Variants in ZNF454 observed in about 807,000 individuals in gnomAD.
The protein encoded by ZNF454 is zinc finger protein 454.
A neutral mutation model predicts 48.2 loss-of-function variants in ZNF454; 30 were observed. That is an observed-to-expected ratio of 0.62 (90% CI 0.47 to 0.84). ZNF454 has a LOEUF of 0.84. Among genes scored for constraint, ZNF454 ranks in the 40% least tolerant of loss-of-function variants. The pLI is 0.00. For synonymous variants in ZNF454, 204 were observed against 211.4 expected, an observed-to-expected ratio of 0.97 and a Z score of 0.30; for missense variants, 510 against 623.1, an observed-to-expected ratio of 0.82 and a Z score of 1.93.
chr5:178,969,313 A>G (rs570499218), downstream of ZNF454: 13 of 382,100 alleles, frequency 3.4e-5, no homozygotes, highest in South Asian at 2.5e-4. Flanking sequence ...TTTTTCAGCC[A>G]CAGTCTTCTC....
At chr5:178,952,514 G>A (rs563581279) in intron 4 of ZNF454, among the ~76,000 whole-genome samples, 24 of 152,160 alleles carry the variant, frequency 1.6e-4, no homozygotes, top group Non-Finnish European at 2.8e-4. Flanking sequence ...CCAGTCTATA[G>A]CCTACCGTGT....
the ZNF454 span, chr5:178,987,323 A>G: frequency 2.0e-6 from 1 of 499,764 alleles, no homozygotes; most frequent in African/African-American, 1.9e-5. Flanking sequence ...GATACTCGAG[A>G]GACTAGAAAG....
Position 178,946,397 on chromosome 5 carries a change from C to T in ZNF454, c.72C>T (p.Thr24=). The T allele has an allele frequency of 6.2e-7, 1 of 1,612,958 alleles. No homozygotes were observed. The highest frequency in any genetic ancestry group is 1.1e-5 in the South Asian group (1 of 90,936). Residue 24 remains threonine (T), a synonymous_variant, in exon 3 of 5, where the codon ACC becomes ACT. Transcript: ENST00000519564. The surrounding 1 kb of genome is among the most constrained non-coding windows in gnomAD (Gnocchi z 4.5). ...VTFKDVAILF[T]QEEWGQLSPA... is the part of the protein sequence containing the mutation. ...TCAAGGATGTGGCTATACTGTTCAC[C>T]CAGGAAGAGTGGGGGCAGCTGAGCC...
At chr5:178,964,372 G>T (rs571892186) in intron 4 of ZNF454, among the ~76,000 whole-genome samples, 1 of 152,186 alleles carries the variant, frequency 6.6e-6, no homozygotes, top group East Asian at 1.9e-4. Context: ...CACCCGCCTT[G>T]GCCTCCCAAA....
the ZNF454 span, among the ~76,000 whole-genome samples, chr5:178,973,733 C>G: frequency 6.6e-6 from 1 of 151,600 alleles, no homozygotes; most frequent in African/African-American, 2.4e-5. Context: ...GTCCCAGCTA[C>G]TCGGGAGGCT....
chr5:178,981,463 A>G, the ZNF454 span: 2 of 584,932 alleles, frequency 3.4e-6, no homozygotes, highest in Middle Eastern at 4.5e-4. This position sits in a 1 kb window ranked among gnomAD's most constrained non-coding sequence, Gnocchi z 5.1. Flanking sequence ...AGGAAGCATG[A>G]AGCTCACATG....
chr5:178,988,535 C>T, the ZNF454 span, among the ~76,000 whole-genome samples: 37 of 152,314 alleles, frequency 2.4e-4, no homozygotes, highest in African/African-American at 7.9e-4. This position sits in a 1 kb window ranked among gnomAD's most constrained non-coding sequence, Gnocchi z 6.0. Flanking sequence ...CTGTGCCTGG[C>T]GCATGACTCA....
the ZNF454 span, chr5:178,985,715 C>CAAA: frequency 1.3e-5 from 5 of 383,942 alleles, no homozygotes; most frequent in East Asian, 1.5e-4. Flanking sequence ...AAAAAAAAAA[C>CAAA]AAAACAACAC....
intron 4 of ZNF454, among the ~76,000 whole-genome samples, chr5:178,949,555 C>T (rs941953731): frequency 6.6e-6 from 1 of 152,120 alleles, no homozygotes; most frequent in Admixed American, 6.5e-5. Flanking sequence ...TCATTCTCAA[C>T]ATATTTGTTG....
chr5:178,945,357 T>TTG (rs913204360), intron 2 of ZNF454, among the ~76,000 whole-genome samples: 5 of 150,156 alleles, frequency 3.3e-5, no homozygotes, highest in African/African-American at 4.9e-5. Flanking sequence ...TGGATATGGG[T>TTG]TGTGTGTGTG....
the ZNF454 span, among the ~76,000 whole-genome samples, chr5:178,971,683 C>G: frequency 2.1e-5 from 3 of 142,348 alleles, no homozygotes; most frequent in African/African-American, 8.3e-5. Flanking sequence ...CCCATCTCTA[C>G]TAAAAAAAAA....
At chr5:178,985,064 C>T in the ZNF454 span, among the ~76,000 whole-genome samples, 58 of 152,234 alleles carry the variant, frequency 3.8e-4, no homozygotes, top group Middle Eastern at 6.8e-3. Flanking sequence ...ACGGCCAGCA[C>T]GAAACGCTGG....
the ZNF454 span, chr5:178,989,658 G>C: frequency 1.7e-6 from 1 of 581,894 alleles, no homozygotes; most frequent in African/African-American, 1.9e-5. Flanking sequence ...GAGCCAACTG[G>C]AGGTTCCAGG....
At chr5:178,986,087 A>G in the ZNF454 span, 5 of 1,580,686 alleles carry the variant, frequency 3.2e-6, no homozygotes, top group African/African-American at 1.3e-5. Flanking sequence ...CGTTGCGGAC[A>G]GTCCCCCTCC....
intron 4 of ZNF454, among the ~76,000 whole-genome samples, chr5:178,957,125 G>A (rs1483454172): frequency 2.0e-5 from 3 of 152,012 alleles, no homozygotes; most frequent in African/African-American, 4.8e-5. Flanking sequence ...CTCGTGATCC[G>A]CCCACCTCGG....
intron 4 of ZNF454, among the ~76,000 whole-genome samples, chr5:178,963,889 A>G (rs1760067231): frequency 6.6e-6 from 1 of 151,684 alleles, no homozygotes; most frequent in Non-Finnish European, 1.5e-5. Context: ...TTCACTCTAG[A>G]GTCAAGGTTT....
chr5:178,985,070 G>A, the ZNF454 span, among the ~76,000 whole-genome samples: 23 of 152,236 alleles, frequency 1.5e-4, no homozygotes, highest in East Asian at 1.4e-3. Flanking sequence ...AGCACGAAAC[G>A]CTGGCCACTG....
In ZNF454 at chr5:178,946,211, G is replaced by A. The variant is rs2113188673; in HGVS notation, c.34-148G>A. ...GGCTAGGCCCCTAGGAGACCCTGAAGAGTGATGAACTTGTCACAGAACGCC... is the reference window on the plus strand; with the variant it reads ...GGCTAGGCCCCTAGGAGACCCTGAAAAGTGATGAACTTGTCACAGAACGCC... On this transcript the variant is annotated intron_variant, in intron 2 of 4. Transcript: ENST00000519564. This position sits in a 1 kb window ranked among gnomAD's most constrained non-coding sequence, Gnocchi z 4.5. 1 of 984,006 alleles carries A rather than the reference G, an allele frequency of 1.0e-6. No homozygotes were observed. Among genetic ancestry groups the A allele is most frequent in the Non-Finnish European group, 1.5e-6 (1 of 669,970 alleles). The allele number at this position is 984,006 out of a possible 1,614,324, so 61.0% of individuals were successfully genotyped here. A position where few individuals can be genotyped will look rare whatever the true frequency, so the allele number is the denominator to read the frequency against.
At chr5:178,952,273 G>A (rs1232354598) in intron 4 of ZNF454, among the ~76,000 whole-genome samples, 2 of 152,112 alleles carry the variant, frequency 1.3e-5, no homozygotes, top group Non-Finnish European at 2.9e-5. Context: ...TCCTGACCTC[G>A]TGATCCGCCC....
Sources: gnomAD v4.1 joint callset for allele counts (sites outside exome capture counted in the v4.1 genomes callset) on GRCh38, gnomAD v4.1.1 for gene constraint, Gnocchi (gnomAD v3.1) non-coding constraint, MANE v1.5 for transcripts, NCBI Gene and HGNC (gene_info 2026-07-23, HGNC 2026-07-21) for gene names.